SORCS1: variants seen among roughly 807,000 people sequenced by gnomAD.
SORCS1 encodes the protein VPS10 domain-containing receptor SorCS1.
A neutral mutation model predicts 146.1 loss-of-function variants in SORCS1; 60 were observed. That is an observed-to-expected ratio of 0.41 (90% confidence interval 0.33 to 0.51). The LOEUF is 0.51. Among genes scored for constraint, SORCS1 ranks in the 20% least tolerant of loss-of-function variants. The pLI is 0.21. For missense variants in SORCS1, 1,352 were observed against 1,487.6 expected (o/e 0.91, Z 1.50); for synonymous variants, 637 against 584.0 (o/e 1.09, Z -1.31).
intron 6 of SORCS1, among the ~76,000 whole-genome samples, chr10:106,723,157 C>T (rs934499723): frequency 6.6e-6 from 1 of 152,094 alleles, no homozygotes; most frequent in African/African-American, 2.4e-5. Context: ...CTTATCTCTA[C>T]TAAAAACGTA....
chr10:106,594,794 C>T (rs1845811868), intron 24 of SORCS1, among the ~76,000 whole-genome samples: 1 of 152,174 alleles, frequency 6.6e-6, no homozygotes, highest in African/African-American at 2.4e-5. Context: ...TCCCTTCAAA[C>T]CCAGACTTCA....
intron 2 of SORCS1, among the ~76,000 whole-genome samples, chr10:106,897,704 A>G (rs1380376421): frequency 6.6e-6 from 1 of 151,524 alleles, no homozygotes; most frequent in Non-Finnish European, 1.5e-5. Context: ...CCTCTCTATC[A>G]CTAAAAAAAA....
In SORCS1 at chr10:107,008,048, T is replaced by G. The variant is rs543933449; in HGVS notation, c.559-51468A>C. ...GTAGGTTAATTATTCACATTAGAAA[T>G]GGAGTATTAGTTTAATAAATTCTTT... is the stretch of plus-strand genomic sequence containing the variant. On this transcript the variant is annotated intron_variant, in intron 1 of 25. Transcript: ENST00000263054. Among the ~76,000 whole-genome samples the G allele has an allele frequency of 2.1e-4, 30 of 146,014 alleles. 1 individual carries two copies. Among genetic ancestry groups the G allele is most frequent in the African/African-American group, 8.1e-4 (29 of 35,928 alleles).
At chr10:106,675,367 A>T (rs1252051576) in intron 13 of SORCS1, among the ~76,000 whole-genome samples, 1 of 152,210 alleles carries the variant, frequency 6.6e-6, no homozygotes, top group Middle Eastern at 3.2e-3. Context: ...GTATTAAAAC[A>T]TCAATAAAAG....
chr10:106,996,778 T>C (rs1285270949), intron 1 of SORCS1, among the ~76,000 whole-genome samples: 1 of 152,204 alleles, frequency 6.6e-6, no homozygotes, highest in African/African-American at 2.4e-5. Context: ...TGGTACTCTT[T>C]GGGAAGATGA....
At chr10:107,136,375 G>C (rs1396832074) in intron 1 of SORCS1, among the ~76,000 whole-genome samples, 1 of 152,116 alleles carries the variant, frequency 6.6e-6, no homozygotes, top group Non-Finnish European at 1.5e-5. Context: ...TTACTTTCCT[G>C]AGCCAAGTTA....
chr10:106,871,115 GATC>G (rs905762552), intron 2 of SORCS1, among the ~76,000 whole-genome samples: 1 of 152,132 alleles, frequency 6.6e-6, no homozygotes, highest in Non-Finnish European at 1.5e-5. Context: ...CAATATCATT[GATC>G]ATTAGAGAAA....
intron 2 of SORCS1, among the ~76,000 whole-genome samples, chr10:106,835,207 G>C (rs943621809): frequency 6.6e-6 from 1 of 152,178 alleles, no homozygotes; most frequent in Non-Finnish European, 1.5e-5. Context: ...GATACAGCTA[G>C]TTTCCATAAG....
chr10:107,124,261 G>C (rs948414793), intron 1 of SORCS1, among the ~76,000 whole-genome samples: 8 of 152,102 alleles, frequency 5.3e-5, no homozygotes, highest in Admixed American at 3.3e-4. Context: ...TATGTGTTCA[G>C]CTGGCCTCCA....
At chr10:106,726,423 T>C (rs1564902232) in intron 6 of SORCS1, among the ~76,000 whole-genome samples, 1 of 144,964 alleles carries the variant, frequency 6.9e-6, no homozygotes, top group Non-Finnish European at 1.5e-5. Flanking sequence ...ATACATTTCA[T>C]GCTTTGTGAA....
intron 1 of SORCS1, among the ~76,000 whole-genome samples, chr10:107,062,476 A>G (rs117692346): frequency 6.6e-6 from 1 of 152,174 alleles, no homozygotes; most frequent in East Asian, 1.9e-4. Flanking sequence ...CACCTTTTTA[A>G]TTAAAATACT....
intron 23 of SORCS1, among the ~76,000 whole-genome samples, chr10:106,606,539 G>C (rs1371152251): frequency 6.6e-6 from 1 of 152,180 alleles, no homozygotes; most frequent in African/African-American, 2.4e-5. Context: ...TCAGCAACTT[G>C]CTTTTTTTTC....
intron 24 of SORCS1, among the ~76,000 whole-genome samples, chr10:106,596,130 GA>G (rs1042931019): frequency 6.6e-6 from 1 of 150,906 alleles, no homozygotes; most frequent in African/African-American, 2.4e-5. Flanking sequence ...GTTCTGACTG[GA>G]AAAAAAAATC....
intron 1 of SORCS1, among the ~76,000 whole-genome samples, chr10:106,991,759 A>G (rs140038274): frequency 1.2e-4 from 19 of 152,380 alleles, no homozygotes; most frequent in African/African-American, 4.3e-4. Context: ...GGAGAAAGAC[A>G]GTAAAGAGAA....
intron 1 of SORCS1, among the ~76,000 whole-genome samples, chr10:107,010,835 G>A (rs547701895): frequency 6.6e-6 from 1 of 152,108 alleles, no homozygotes; most frequent in Non-Finnish European, 1.5e-5. Flanking sequence ...CTTCTTTTCC[G>A]CTATAGTGAA....
intron 2 of SORCS1, among the ~76,000 whole-genome samples, chr10:106,936,675 A>G (rs1275923863): frequency 6.6e-6 from 1 of 152,210 alleles, no homozygotes; most frequent in Non-Finnish European, 1.5e-5. Context: ...TCCTCCAAAG[A>G]TCAGGTATGG....
intron 9 of SORCS1, among the ~76,000 whole-genome samples, chr10:106,689,121 C>A (rs1385907851): frequency 6.6e-6 from 1 of 152,188 alleles, no homozygotes; most frequent in Non-Finnish European, 1.5e-5. Context: ...TTGTTCTCAG[C>A]CTAAACAGAT....
chr10:106,975,055 G>C (rs780098300), intron 1 of SORCS1, among the ~76,000 whole-genome samples: 4 of 152,116 alleles, frequency 2.6e-5, no homozygotes, highest in African/African-American at 9.7e-5. Context: ...AAGGCCAAAG[G>C]CTTGGGTTTT....
intron 1 of SORCS1, among the ~76,000 whole-genome samples, chr10:107,030,584 A>T (rs928164007): frequency 6.6e-6 from 1 of 152,322 alleles, no homozygotes; most frequent in Non-Finnish European, 1.5e-5. Context: ...AAAAAAAGCA[A>T]TTTAACTTGG....
Sources: gnomAD v4.1 joint callset for allele counts (sites outside exome capture counted in the v4.1 genomes callset) on GRCh38, gnomAD v4.1.1 for gene constraint, MANE v1.5 for transcripts, NCBI Gene and HGNC (gene_info 2026-07-23, HGNC 2026-07-21) for gene names.